The following RBFOX1 variants were observed in gnomAD, a reference collection of about 807,000 sequenced individuals.
RBFOX1 encodes RNA binding fox-1 homolog 1, also known as RNA binding protein fox-1 homolog 1.
A neutral mutation model predicts 57.7 loss-of-function variants in RBFOX1; 8 were observed. The ratio of observed to expected loss-of-function variants is 0.14; its 90% CI spans 0.08 to 0.25. The LOEUF is 0.25. Among genes scored for constraint, RBFOX1 ranks in the 10% least tolerant of loss-of-function variants. The pLI is 1.00. For synonymous variants in RBFOX1, 326 were observed against 222.4 expected, an observed-to-expected ratio of 1.47 and a Z score of -4.15; for missense variants, 611 against 548.5, an observed-to-expected ratio of 1.11 and a Z score of -1.14.
At chr16:5,557,276 A>G (rs1311438863) in intron 2 of RBFOX1, among the ~76,000 whole-genome samples, 1 of 129,158 alleles carries the variant, frequency 7.7e-6, no homozygotes, top group Non-Finnish European at 1.8e-5. Flanking sequence ...TAAATAAATA[A>G]ATAAATAAAT....
intron 3 of RBFOX1, among the ~76,000 whole-genome samples, chr16:6,813,233 T>G (rs1204105554): frequency 6.6e-6 from 1 of 152,176 alleles, no homozygotes; most frequent in Non-Finnish European, 1.5e-5. Context: ...AAATTTACAC[T>G]TCTCCGGTTC....
At chr16:6,149,085 G>A (rs1257625153) in intron 1 of RBFOX1, among the ~76,000 whole-genome samples, 1 of 152,348 alleles carries the variant, frequency 6.6e-6, no homozygotes, top group South Asian at 2.1e-4. Context: ...CAAATTTAAT[G>A]AAATGCAAAC....
intron 3 of RBFOX1, among the ~76,000 whole-genome samples, chr16:6,822,157 T>G (rs537021713): frequency 2.0e-5 from 3 of 152,162 alleles, no homozygotes; most frequent in Non-Finnish European, 4.4e-5. Flanking sequence ...GGAGCTCGTG[T>G]GCCAAGTCGA....
In RBFOX1 at chr16:5,799,071, T is replaced by A. The variant is rs550121717; in HGVS notation, c.319-68232T>A. On this transcript the variant is annotated intron_variant, in intron 3 of 19. Coordinates refer to the RBFOX1 transcript ENST00000641259. ...AATTTGTAAAGAAAAAGAGTTTTCATGGACTCACAGTTGCACATGGCTGGG... is the reference window on the plus strand; with the variant it reads ...AATTTGTAAAGAAAAAGAGTTTTCAAGGACTCACAGTTGCACATGGCTGGG... 8.4e-4 allele frequency among the ~76,000 whole-genome samples: 128 copies of A among 152,296 alleles called. 1 individual carries two copies. The highest frequency in any genetic ancestry group is 3.0e-3 in the African/African-American group (124 of 41,548).
chr16:6,878,701 CAG>C (rs1050980111), intron 3 of RBFOX1, among the ~76,000 whole-genome samples: 42 of 152,078 alleles, frequency 2.8e-4, no homozygotes, highest in Non-Finnish European at 3.1e-4. Flanking sequence ...CAGAAAGTAA[CAG>C]AAATTCAGCA....
chr16:5,934,388 T>G lies in RBFOX1; in HGVS notation c.351+67053T>G, dbSNP rs181027001. 2.0e-5 allele frequency among the ~76,000 whole-genome samples: 3 copies of G among 152,346 alleles called. No homozygotes were observed. In the East Asian group the frequency reaches 5.8e-4, roughly 29 times the overall value. On this transcript the variant is annotated intron_variant, in intron 4 of 19. Coordinates refer to the RBFOX1 transcript ENST00000641259. ...TCTTTATGGCAGCTGGTGTGGATTT[T>G]GCATTTATGTAAAGCTTCCTTTCTA...
intron 4 of RBFOX1, among the ~76,000 whole-genome samples, chr16:7,105,094 C>T (rs1184182719): frequency 6.6e-6 from 1 of 152,092 alleles, no homozygotes; most frequent in Non-Finnish European, 1.5e-5. Flanking sequence ...AAGAGAGCAC[C>T]TCTGCCACTA....
At chr16:7,022,858 C>G (rs1166447336) in intron 3 of RBFOX1, among the ~76,000 whole-genome samples, 1 of 152,162 alleles carries the variant, frequency 6.6e-6, no homozygotes, top group Non-Finnish European at 1.5e-5. Flanking sequence ...ATTTGAACAA[C>G]TGCCTCCAAT....
At chr16:7,537,200 A>G (rs1302108764) in intron 5 of RBFOX1, among the ~76,000 whole-genome samples, 1 of 152,226 alleles carries the variant, frequency 6.6e-6, no homozygotes, top group African/African-American at 2.4e-5. Flanking sequence ...AGCTCTTGCC[A>G]TGGGCTGGAT....
At chr16:7,092,258 G>A (rs2060985955) in intron 4 of RBFOX1, among the ~76,000 whole-genome samples, 1 of 152,088 alleles carries the variant, frequency 6.6e-6, no homozygotes, top group Non-Finnish European at 1.5e-5. Context: ...GCTTTAGTGT[G>A]TGTTTGTGGA....
intron 3 of RBFOX1, among the ~76,000 whole-genome samples, chr16:6,850,421 C>A (rs1336019049): frequency 6.6e-6 from 1 of 152,018 alleles, no homozygotes; most frequent in Non-Finnish European, 1.5e-5. Flanking sequence ...AGGTGATGTT[C>A]AAGCTGAGGG....
chr16:6,455,463 G>T (rs139673490), intron 2 of RBFOX1, among the ~76,000 whole-genome samples: 84 of 152,266 alleles, frequency 5.5e-4, no homozygotes, highest in Middle Eastern at 3.4e-3. Flanking sequence ...GCCTCCCGTT[G>T]AGTGGCAGGC....
At chr16:5,998,156 G>T (rs1051672448) in intron 4 of RBFOX1, among the ~76,000 whole-genome samples, 1 of 152,156 alleles carries the variant, frequency 6.6e-6, no homozygotes, top group East Asian at 1.9e-4. Context: ...CCTGTACGAA[G>T]TCCCTGTTCA....
chr16:7,246,956 C>T (rs763652607), intron 4 of RBFOX1, among the ~76,000 whole-genome samples: 3 of 152,086 alleles, frequency 2.0e-5, no homozygotes, highest in Non-Finnish European at 1.5e-5. Context: ...ACAGTGTCTC[C>T]CACATTAGGA....
At chr16:5,978,687 T>TGTTG (rs374245086) in intron 4 of RBFOX1, among the ~76,000 whole-genome samples, 34 of 150,086 alleles carry the variant, frequency 2.3e-4, no homozygotes, top group Non-Finnish European at 4.1e-4. Flanking sequence ...TGTTTTTTTT[T>TGTTG]TTGTTGTTGT....
chr16:7,178,777 A>G (rs1305922514), intron 4 of RBFOX1, among the ~76,000 whole-genome samples: 1 of 152,194 alleles, frequency 6.6e-6, no homozygotes, highest in Non-Finnish European at 1.5e-5. Flanking sequence ...ATACTGACCA[A>G]ATGTGCTTTG....
chr16:5,357,681 CA>C (rs1392228682), intron 1 of RBFOX1, among the ~76,000 whole-genome samples: 1 of 152,188 alleles, frequency 6.6e-6, no homozygotes, highest in East Asian at 1.9e-4. Context: ...CTGGTTTCAG[CA>C]GAGTCTTAAG....
intron 3 of RBFOX1, among the ~76,000 whole-genome samples, chr16:5,657,210 G>T (rs2151379644): frequency 6.6e-6 from 1 of 152,236 alleles, no homozygotes; most frequent in African/African-American, 2.4e-5. Context: ...GGAGAACTCT[G>T]GTTTCACTGA....
intron 9 of RBFOX1, among the ~76,000 whole-genome samples, chr16:7,600,574 A>G (rs2094959031): frequency 6.6e-6 from 1 of 152,222 alleles, no homozygotes; most frequent in Non-Finnish European, 1.5e-5. Context: ...TTCACTCATT[A>G]GCTACATAAT....
Sources: gnomAD v4.1 joint callset for allele counts (sites outside exome capture counted in the v4.1 genomes callset) on GRCh38, gnomAD v4.1.1 for gene constraint, MANE v1.5 for transcripts, NCBI Gene and HGNC (gene_info 2026-07-23, HGNC 2026-07-21) for gene names.